The following MACROD2 variants were observed in gnomAD, a reference collection of about 807,000 sequenced individuals.
MACROD2 encodes mono-ADP ribosylhydrolase 2, also known as ADP-ribose glycohydrolase MACROD2.
A neutral mutation model predicts 70.4 loss-of-function variants in MACROD2; 36 were observed. The observed-to-expected ratio is 0.51, with a 90% CI of 0.39 to 0.68. The LOEUF is 0.68. MACROD2 is among the 30% of genes least tolerant of loss of function. The probability of loss-of-function intolerance (pLI) is 0.00; values close to 1 mark genes in which losing one functional copy is unlikely to be tolerated. For synonymous variants in MACROD2, 172 were observed against 178.8 expected (o/e 0.96, Z 0.30); for missense variants, 496 against 538.4 (o/e 0.92, Z 0.78).
chr20:14,222,331 T>C (rs536908188), intron 3 of MACROD2, among the ~76,000 whole-genome samples: 12 of 152,334 alleles, frequency 7.9e-5, no homozygotes, highest in Admixed American at 1.3e-4. Flanking sequence ...TAATCTCTTT[T>C]GTAGCGACAT....
At chr20:14,111,018 T>TA (rs2054443778) in intron 3 of MACROD2, among the ~76,000 whole-genome samples, 1 of 151,864 alleles carries the variant, frequency 6.6e-6, no homozygotes, top group African/African-American at 2.4e-5. Flanking sequence ...GGTGCTGGCA[T>TA]AAAAACAGAC....
intron 8 of MACROD2, among the ~76,000 whole-genome samples, chr20:15,783,870 A>C (rs2051876470): frequency 6.6e-6 from 1 of 152,078 alleles, no homozygotes; most frequent in African/African-American, 2.4e-5. Context: ...TGCTTGGAAA[A>C]AAATACACTT....
chr20:15,490,226 TTCCTTCC>T (rs151094635), intron 7 of MACROD2, among the ~76,000 whole-genome samples: 13 of 105,964 alleles, frequency 1.2e-4, no homozygotes, highest in Admixed American at 4.8e-4. Context: ...CCTTCCTCCC[TTCCTTCC>T]TCCCTTCCCT....
At chr20:14,416,977 ACTT>A (rs1343271010) in intron 3 of MACROD2, among the ~76,000 whole-genome samples, 3 of 152,116 alleles carry the variant, frequency 2.0e-5, no homozygotes, top group Non-Finnish European at 2.9e-5. Flanking sequence ...AGCAACCTGA[ACTT>A]TAATTTTCTG....
intron 3 of MACROD2, among the ~76,000 whole-genome samples, chr20:14,165,331 T>C (rs1197114884): frequency 6.6e-6 from 1 of 152,124 alleles, no homozygotes; most frequent in Non-Finnish European, 1.5e-5. Context: ...CTGGGGGATC[T>C]CTTACTTATC....
intron 3 of MACROD2, among the ~76,000 whole-genome samples, chr20:14,274,746 C>A (rs2082233659): frequency 6.6e-6 from 1 of 151,974 alleles, no homozygotes; most frequent in African/African-American, 2.4e-5. Flanking sequence ...ATGTAGAAAA[C>A]CCCATTGTCT....
intron 7 of MACROD2, among the ~76,000 whole-genome samples, chr20:15,463,579 G>A (rs797018687): frequency 1.9e-4 from 29 of 152,046 alleles, no homozygotes; most frequent in African/African-American, 4.3e-4. Context: ...GTGAAACCCC[G>A]TCTCTACTAA....
intron 3 of MACROD2, among the ~76,000 whole-genome samples, chr20:14,238,644 A>T (rs918274625): frequency 1.3e-5 from 2 of 152,180 alleles, no homozygotes; most frequent in African/African-American, 4.8e-5. Context: ...ATATCATTCT[A>T]TTCCTGGAAA....
At chr20:14,481,666 A>G (rs1265478471) in intron 3 of MACROD2, among the ~76,000 whole-genome samples, 1 of 152,184 alleles carries the variant, frequency 6.6e-6, no homozygotes, top group Non-Finnish European at 1.5e-5. Context: ...ATTCCTTAAG[A>G]TATAGTCTAG....
At chr20:14,984,276 A>G (rs1367724694) in intron 5 of MACROD2, among the ~76,000 whole-genome samples, 2 of 152,196 alleles carry the variant, frequency 1.3e-5, no homozygotes, top group Non-Finnish European at 2.9e-5. Flanking sequence ...GGTTTTTAAG[A>G]TGGCCCCTGG....
chr20:14,770,369 AC>A (rs1473250892), intron 5 of MACROD2, among the ~76,000 whole-genome samples: 1 of 151,998 alleles, frequency 6.6e-6, no homozygotes, highest in East Asian at 1.9e-4. Context: ...CTGTAGGGGG[AC>A]CATTCTGATT....
At chr20:14,338,359 C>T (rs1490800432) in intron 3 of MACROD2, among the ~76,000 whole-genome samples, 1 of 152,128 alleles carries the variant, frequency 6.6e-6, no homozygotes, top group Non-Finnish European at 1.5e-5. Context: ...AAGAACGAAA[C>T]TCCATCTCCA....
At chr20:15,516,030 C>A (rs147184438) in intron 8 of MACROD2, among the ~76,000 whole-genome samples, 2 of 152,332 alleles carry the variant, frequency 1.3e-5, no homozygotes, top group South Asian at 4.1e-4. Flanking sequence ...GATGGGCACA[C>A]GGCTTACCCC....
chr20:15,585,861 A>G (rs985980575), intron 8 of MACROD2, among the ~76,000 whole-genome samples: 11 of 151,988 alleles, frequency 7.2e-5, no homozygotes, highest in Admixed American at 6.5e-5. Context: ...GGGAAAACCC[A>G]TTACCAAAAC....
chr20:15,740,218 A>G (rs1339828303), intron 8 of MACROD2, among the ~76,000 whole-genome samples: 1 of 152,232 alleles, frequency 6.6e-6, no homozygotes, highest in Non-Finnish European at 1.5e-5. Context: ...TTCATTGGCC[A>G]AAAGTCAGTC....
intron 5 of MACROD2, among the ~76,000 whole-genome samples, chr20:15,039,781 T>C (rs1389352330): frequency 2.6e-5 from 4 of 152,118 alleles, no homozygotes; most frequent in Non-Finnish European, 5.9e-5. Flanking sequence ...CAGATATTTA[T>C]AGCTGGCGTC....
intron 4 of MACROD2, among the ~76,000 whole-genome samples, chr20:14,508,966 A>G (rs1324065814): frequency 6.6e-6 from 1 of 152,132 alleles, no homozygotes; most frequent in African/African-American, 2.4e-5. Context: ...ATAGTAGGGG[A>G]TTTGTTAAAT....
chr20:14,160,277 G>C (rs2055166016), intron 3 of MACROD2, among the ~76,000 whole-genome samples: 2 of 152,146 alleles, frequency 1.3e-5, no homozygotes, highest in African/African-American at 4.8e-5. Flanking sequence ...GTTATTTGGG[G>C]TAGTTTGGGG....
At chr20:15,919,546 C>T (rs527434570) in intron 10 of MACROD2, among the ~76,000 whole-genome samples, 1 of 151,984 alleles carries the variant, frequency 6.6e-6, no homozygotes, top group Non-Finnish European at 1.5e-5. Flanking sequence ...ATCAGTCTGG[C>T]CAACATAGTG....
Sources: allele counts gnomAD v4.1 joint callset (sites outside exome capture counted in the v4.1 genomes callset), GRCh38; gene constraint gnomAD v4.1.1; transcripts MANE v1.5; gene names NCBI Gene and HGNC (gene_info 2026-07-23, HGNC 2026-07-21).